The following SCOC variants were observed in gnomAD, a reference collection of about 807,000 sequenced individuals.
The protein encoded by SCOC is short coiled coil protein.
SCOC carries 7 observed loss-of-function variants against 9.9 expected under a neutral mutation model. The observed-to-expected ratio is 0.71, with a 90% CI of 0.40 to 1.33. The LOEUF (loss-of-function observed/expected upper bound fraction) is 1.33, where lower values mean the gene tolerates loss of function less well. Among genes scored for constraint, SCOC ranks in the 40% most tolerant of loss-of-function variants. SCOC has a pLI of 0.01. For missense variants in SCOC, 66 were observed against 89.7 expected (o/e 0.74, Z 1.07); for synonymous variants, 19 against 28.2 (o/e 0.67, Z 1.03).
At chr4:140,352,764 A>C (rs1727035456) in intron 2 of SCOC, among the ~76,000 whole-genome samples, 1 of 152,252 alleles carries the variant, frequency 6.6e-6, no homozygotes, top group African/African-American at 2.4e-5. Context: ...TTCAAAGACA[A>C]AAAACATCCA....
intron 1 of SCOC, among the ~76,000 whole-genome samples, chr4:140,301,922 C>T (rs895647648): frequency 6.6e-6 from 1 of 152,212 alleles, no homozygotes; most frequent in Non-Finnish European, 1.5e-5. Flanking sequence ...GCCTTGCCCT[C>T]CCAGGCTCAA....
chr4:140,306,409 A>G (rs774300051), intron 1 of SCOC, among the ~76,000 whole-genome samples: 2 of 152,202 alleles, frequency 1.3e-5, no homozygotes, highest in African/African-American at 4.8e-5. Context: ...TACCCCTCTG[A>G]GTAAGTTAGG....
chr4:140,357,766 A>G (rs1184575707), intron 2 of SCOC, among the ~76,000 whole-genome samples: 1 of 152,206 alleles, frequency 6.6e-6, no homozygotes, highest in Non-Finnish European at 1.5e-5. Context: ...TTGCCATCTC[A>G]CTATACTACT....
At chr4:140,321,479 G>A (rs1386651384) in intron 1 of SCOC, among the ~76,000 whole-genome samples, 1 of 152,134 alleles carries the variant, frequency 6.6e-6, no homozygotes, top group Non-Finnish European at 1.5e-5. Flanking sequence ...GTTCAACAGA[G>A]AGATAGAAAC....
chr4:140,310,226 T>C (rs757427999), intron 1 of SCOC, among the ~76,000 whole-genome samples: 13 of 152,210 alleles, frequency 8.5e-5, no homozygotes, highest in Non-Finnish European at 1.8e-4. Context: ...GGTTGCTCCA[T>C]TGTTGAATTC....
intron 1 of SCOC, among the ~76,000 whole-genome samples, chr4:140,338,435 T>G (rs138935706): frequency 0.2 from 29,983 of 151,986 alleles, 3,851 homozygotes; most frequent in African/African-American, 0.36. Flanking sequence ...CATAGTGTTG[T>G]AAGTTCTGGC....
chr4:140,362,678 T>C (rs543719198), intron 2 of SCOC: 1 of 152,188 alleles, frequency 6.6e-6, no homozygotes, highest in East Asian at 1.9e-4. Flanking sequence ...ACTTGACTTA[T>C]TTTAAAAATA....
In SCOC at chr4:140,382,822, G is replaced by A. The variant is rs1361504594; in HGVS notation, c.*1718G>A. The A allele has an allele frequency of 6.6e-6, 1 of 152,168 alleles. No individual in the cohort carries two copies. The highest frequency in any genetic ancestry group is 6.5e-5 in the Admixed American group (1 of 15,276). The allele number at this position is 152,168 out of a possible 1,614,324, so 9.4% of individuals were successfully genotyped here. A position where few individuals can be genotyped will look rare whatever the true frequency, so the allele number is the denominator to read the frequency against. On this transcript the variant is annotated 3_prime_UTR_variant, in exon 4 of 4. Transcript: ENST00000608372. ...AAAGGAAGTTGTATTTTTTAGGGTA[G>A]GCTAAGCTACTTTAGCAAGAGACCC...
At chr4:140,348,569 T>C (rs76613605) in intron 2 of SCOC, among the ~76,000 whole-genome samples, 12 of 45,874 alleles carry the variant, frequency 2.6e-4, no homozygotes, top group African/African-American at 7.1e-4. Context: ...TATATATGTA[T>C]ATATATACGC....
At chr4:140,273,475 T>C (rs982886923) in intron 1 of SCOC, among the ~76,000 whole-genome samples, 6 of 152,132 alleles carry the variant, frequency 3.9e-5, no homozygotes, top group African/African-American at 1.4e-4. Context: ...TTTGGCCTAA[T>C]TTTCTCCTTT....
upstream of SCOC, among the ~76,000 whole-genome samples, chr4:140,370,306 G>GA (rs2126578613): frequency 6.6e-6 from 1 of 152,248 alleles, no homozygotes; most frequent in African/African-American, 2.4e-5. Flanking sequence ...AATTTTCCAA[G>GA]TGCATTGGAA....
At chr4:140,362,313 T>TCTTCCTCTTCCTCTTCCTC (rs1727594134) in intron 2 of SCOC, among the ~76,000 whole-genome samples, 1 of 84,176 alleles carries the variant, frequency 1.2e-5, no homozygotes. Context: ...TTTTTTTTTT[T>TCTTCCTCTTCCTCTTCCTC]TTGTGAGAGT....
At chr4:140,293,382 G>A (rs201837423) in intron 1 of SCOC, 15 of 456,810 alleles carry the variant, frequency 3.3e-5, no homozygotes, top group South Asian at 7.7e-5. Flanking sequence ...AGCAGGGCAC[G>A]CCAAGACAGG....
intron 1 of SCOC, among the ~76,000 whole-genome samples, chr4:140,261,880 G>A (rs564463215): frequency 3.2e-4 from 48 of 152,250 alleles, no homozygotes; most frequent in African/African-American, 1.1e-3. Context: ...GGCTTGGAAG[G>A]AGGGAAAGGC....
intron 1 of SCOC, among the ~76,000 whole-genome samples, chr4:140,321,295 G>A (rs1732493938): frequency 1.3e-5 from 2 of 152,004 alleles, no homozygotes; most frequent in Non-Finnish European, 2.9e-5. Context: ...AAATCCCATG[G>A]TACACAAAAA....
intron 2 of SCOC, among the ~76,000 whole-genome samples, chr4:140,367,689 T>G (rs767923860): frequency 6.0e-4 from 92 of 152,356 alleles, no homozygotes; most frequent in Non-Finnish European, 1.0e-3. Flanking sequence ...AAAGCCAGAT[T>G]ATTTTTATAA....
At chr4:140,286,188 TAA>T (rs373397923) in intron 1 of SCOC, among the ~76,000 whole-genome samples, 295 of 137,552 alleles carry the variant, frequency 2.1e-3, no homozygotes, top group African/African-American at 6.9e-3. Context: ...CATCACAAAA[TAA>T]AAAAAAAAAA....
At chr4:140,317,853 C>G (rs1489220199) in intron 1 of SCOC, among the ~76,000 whole-genome samples, 1 of 110,030 alleles carries the variant, frequency 9.1e-6, no homozygotes, top group Non-Finnish European at 1.8e-5. Flanking sequence ...CCCCCCTCCC[C>G]CCTCCCCACC....
chr4:140,370,280 G>T (rs1458409296), upstream of SCOC, among the ~76,000 whole-genome samples: 1 of 152,094 alleles, frequency 6.6e-6, no homozygotes, highest in East Asian at 1.9e-4. Context: ...GATACACAGT[G>T]GAGTCTATTT....
Sources: allele counts gnomAD v4.1 joint callset (sites outside exome capture counted in the v4.1 genomes callset), GRCh38; gene constraint gnomAD v4.1.1; transcripts MANE v1.5; gene names NCBI Gene and HGNC (gene_info 2026-07-23, HGNC 2026-07-21).